Variants in LSAMP observed in about 807,000 individuals in gnomAD.
LSAMP encodes the protein limbic system associated membrane protein.
LSAMP carries 7 observed loss-of-function variants against 38.6 expected under a neutral mutation model. The observed-to-expected ratio is 0.18, with a 90% CI of 0.10 to 0.34. LSAMP has a LOEUF of 0.34. Ranked by LOEUF, LSAMP falls within the 10% of genes least tolerant of loss-of-function variation. The pLI, the probability that LSAMP is intolerant of heterozygous loss-of-function variation, is 1.00. For synonymous variants in LSAMP, 154 were observed against 166.8 expected (o/e 0.92, Z 0.59); for missense variants, 313 against 420.0 (o/e 0.75, Z 2.23).
chr3:115,877,214 A>G (rs773906166), intron 3 of LSAMP, among the ~76,000 whole-genome samples: 3 of 152,106 alleles, frequency 2.0e-5, no homozygotes, highest in East Asian at 1.9e-4. Flanking sequence ...GAATTTTGCC[A>G]TCAAGAGAAA....
intron 1 of LSAMP, among the ~76,000 whole-genome samples, chr3:116,418,210 C>T (rs2049076215): frequency 6.6e-6 from 1 of 152,176 alleles, no homozygotes; most frequent in African/African-American, 2.4e-5. Context: ...CACTATACCG[C>T]AAACCTTCCC....
In LSAMP at chr3:116,067,856, T is replaced by C. The variant is rs527883727; in HGVS notation, c.388+18468A>G. On this transcript the variant is annotated intron_variant, in intron 2 of 6. Coordinates refer to ENST00000490035, the MANE Select transcript of LSAMP (RefSeq NM_002338.5). ...ATATTTATCTTTATTAAATAATTAT[T>C]ATGAAAGGTTTTGCCGATACATGCT... 3.3e-5 allele frequency among the ~76,000 whole-genome samples: 5 copies of C among 152,278 alleles called. No individual in the cohort carries two copies. In the East Asian group the frequency reaches 9.6e-4, roughly 29 times the overall value.
intron 1 of LSAMP, among the ~76,000 whole-genome samples, chr3:116,249,583 AC>A (rs1366363392): frequency 1.3e-5 from 2 of 151,564 alleles, no homozygotes; most frequent in African/African-American, 4.9e-5. Context: ...TGGGGGTTTC[AC>A]CATGTTGGTC....
chr3:116,249,582 C>T (rs1007428124), intron 1 of LSAMP, among the ~76,000 whole-genome samples: 2 of 151,778 alleles, frequency 1.3e-5, no homozygotes, highest in East Asian at 1.9e-4. Context: ...GTGGGGGTTT[C>T]ACCATGTTGG....
chr3:116,134,363 T>C (rs2107506437), intron 1 of LSAMP, among the ~76,000 whole-genome samples: 1 of 151,226 alleles, frequency 6.6e-6, no homozygotes, highest in South Asian at 2.1e-4. Context: ...AGAATTACCT[T>C]AAAAAAAAAG....
chr3:116,400,404 C>T (rs546589508), intron 1 of LSAMP, among the ~76,000 whole-genome samples: 1 of 150,348 alleles, frequency 6.7e-6, no homozygotes, highest in Admixed American at 6.6e-5. Context: ...CTCTCTCTCT[C>T]TCCTTCTTTC....
chr3:116,195,371 G>T (rs541821541), intron 1 of LSAMP, among the ~76,000 whole-genome samples: 2 of 151,812 alleles, frequency 1.3e-5, no homozygotes, highest in African/African-American at 2.4e-5. Flanking sequence ...TTTTTTTCAG[G>T]CTTTCTATTA....
chr3:116,215,756 G>A (rs2046211965), intron 1 of LSAMP, among the ~76,000 whole-genome samples: 1 of 152,158 alleles, frequency 6.6e-6, no homozygotes, highest in Non-Finnish European at 1.5e-5. Context: ...GGGTATGGTT[G>A]TACAATGGCA....
intron 3 of LSAMP, among the ~76,000 whole-genome samples, chr3:115,908,800 C>T (rs917252019): frequency 1.1e-4 from 17 of 152,176 alleles, no homozygotes; most frequent in Non-Finnish European, 2.4e-4. Flanking sequence ...TTACAGCTTT[C>T]TTTACAAAAG....
intron 3 of LSAMP, among the ~76,000 whole-genome samples, chr3:115,861,865 C>A (rs1935713776): frequency 1.3e-5 from 2 of 151,946 alleles, no homozygotes; most frequent in African/African-American, 4.8e-5. Context: ...AGTTGTAATT[C>A]AAATCACTGG....
chr3:115,887,312 CTA>C (rs1296032458), intron 3 of LSAMP, among the ~76,000 whole-genome samples: 3 of 151,622 alleles, frequency 2.0e-5, no homozygotes, highest in Non-Finnish European at 4.4e-5. Context: ...TTTATTATGT[CTA>C]TGTATTTATG....
At chr3:116,397,392 C>G (rs529026311) in intron 1 of LSAMP, among the ~76,000 whole-genome samples, 2 of 145,026 alleles carry the variant, frequency 1.4e-5, no homozygotes, top group Non-Finnish European at 1.5e-5. Context: ...ACCCGCCCCC[C>G]CCCCACACAC....
chr3:115,966,899 T>G (rs917847902), intron 3 of LSAMP, among the ~76,000 whole-genome samples: 1 of 152,214 alleles, frequency 6.6e-6, no homozygotes, highest in African/African-American at 2.4e-5. Flanking sequence ...ATCTTTGAAA[T>G]TCTGTTTATG....
At chr3:115,862,424 C>T (rs534390091) in intron 3 of LSAMP, among the ~76,000 whole-genome samples, 23 of 152,276 alleles carry the variant, frequency 1.5e-4, no homozygotes, top group African/African-American at 5.1e-4. Flanking sequence ...CCCGTCTAGC[C>T]CTTCACCCTT....
At chr3:116,193,069 T>C (rs1291978828) in intron 1 of LSAMP, among the ~76,000 whole-genome samples, 1 of 152,250 alleles carries the variant, frequency 6.6e-6, no homozygotes, top group Admixed American at 6.5e-5. Flanking sequence ...TATTATTCTT[T>C]ACTTTTCTAA....
intron 1 of LSAMP, among the ~76,000 whole-genome samples, chr3:116,087,902 T>A (rs1392019315): frequency 6.6e-6 from 1 of 151,848 alleles, no homozygotes; most frequent in African/African-American, 2.4e-5. Context: ...GAGATTTTTT[T>A]TTTTTTTTTT....
chr3:116,253,462 A>G (rs2046711351), intron 1 of LSAMP, among the ~76,000 whole-genome samples: 1 of 152,202 alleles, frequency 6.6e-6, no homozygotes, highest in African/African-American at 2.4e-5. Context: ...TATTACTCTT[A>G]TTTGTCTTTT....
rs1298791707 is a variant in LSAMP, at chr3:115,948,288, TG to T, written c.514+71226del. 3.9e-5 allele frequency among the ~76,000 whole-genome samples: 6 copies of T among 152,322 alleles called. 1 individual carries two copies. The highest frequency in any genetic ancestry group is 2.0e-4 in the Admixed American group (3 of 15,294). The stretch of plus-strand genomic sequence containing the variant: ...TCTTCTCTATTTATTTAAGAAGTCC[TG>T]ATTTACAGAACATTCTACCCAACAA... On this transcript the variant is annotated intron_variant, in intron 3 of 6. Coordinates refer to ENST00000490035, the MANE Select transcript of LSAMP (RefSeq NM_002338.5).
intron 1 of LSAMP, among the ~76,000 whole-genome samples, chr3:116,379,369 C>A (rs1207115758): frequency 6.6e-6 from 1 of 151,912 alleles, no homozygotes; most frequent in Non-Finnish European, 1.5e-5. Context: ...CTTAGAGATC[C>A]AGACATGGAC....
Sources: allele counts gnomAD v4.1 joint callset (sites outside exome capture counted in the v4.1 genomes callset), GRCh38; gene constraint gnomAD v4.1.1; transcripts MANE v1.5; gene names NCBI Gene and HGNC (gene_info 2026-07-23, HGNC 2026-07-21).